The following GPC5 variants were observed in gnomAD, a reference collection of about 807,000 sequenced individuals.
GPC5 encodes the protein glypican-5.
GPC5 carries 47 observed loss-of-function variants against 53.9 expected under a neutral mutation model. That is an observed-to-expected ratio of 0.87 (90% confidence interval 0.69 to 1.11). GPC5 has a LOEUF of 1.11. GPC5 is among the 50% of genes most tolerant of loss of function. The probability of loss-of-function intolerance (pLI) is 0.00; values close to 1 mark genes in which losing one functional copy is unlikely to be tolerated. For missense variants in GPC5, 748 were observed against 713.1 expected (o/e 1.05, Z -0.56); for synonymous variants, 286 against 263.3 (o/e 1.09, Z -0.84).
At chr13:91,471,834 C>T (rs558204297) in intron 2 of GPC5, among the ~76,000 whole-genome samples, 19 of 152,092 alleles carry the variant, frequency 1.2e-4, no homozygotes, top group South Asian at 6.2e-4. Context: ...CTTTTGTTAC[C>T]GAGCAGCCTC....
intron 7 of GPC5, among the ~76,000 whole-genome samples, chr13:92,541,961 C>G (rs1347977718): frequency 6.6e-6 from 1 of 151,812 alleles, no homozygotes. Flanking sequence ...GAAGTCTTTT[C>G]TCTTCCATTG....
At chr13:91,937,301 A>G (rs1370668840) in intron 6 of GPC5, among the ~76,000 whole-genome samples, 2 of 152,026 alleles carry the variant, frequency 1.3e-5, no homozygotes, top group Non-Finnish European at 2.9e-5. Context: ...TTGATGAGAG[A>G]GAAAAAGGAT....
chr13:92,737,195 T>C (rs17299613), intron 7 of GPC5, among the ~76,000 whole-genome samples: 12,628 of 152,088 alleles, frequency 0.083, 1,019 homozygotes, highest in East Asian at 0.37. Context: ...TCTCTTTATG[T>C]CTATCACCTG....
chr13:91,696,565 C>A (rs931262535), intron 3 of GPC5, among the ~76,000 whole-genome samples: 2 of 152,112 alleles, frequency 1.3e-5, no homozygotes, highest in Non-Finnish European at 2.9e-5. Context: ...GGAAAGCCAG[C>A]AAATAATGAC....
At chr13:92,750,892 G>A (rs1889369590) in intron 7 of GPC5, among the ~76,000 whole-genome samples, 1 of 152,028 alleles carries the variant, frequency 6.6e-6, no homozygotes, top group Admixed American at 6.5e-5. Flanking sequence ...GCCTTCAACA[G>A]TGCTATATCC....
chr13:92,598,445 T>G (rs2139077028), intron 7 of GPC5, among the ~76,000 whole-genome samples: 1 of 152,280 alleles, frequency 6.6e-6, no homozygotes, highest in East Asian at 1.9e-4. Context: ...TTTTCTCTCC[T>G]TAAAAGCTTT....
intron 6 of GPC5, among the ~76,000 whole-genome samples, chr13:92,086,087 C>A (rs1454229814): frequency 6.6e-6 from 1 of 152,172 alleles, no homozygotes; most frequent in Non-Finnish European, 1.5e-5. Flanking sequence ...ACTGTGTGGC[C>A]TTCTGCATTA....
chr13:92,018,117 C>A (rs1594726359), intron 6 of GPC5, among the ~76,000 whole-genome samples: 1 of 152,106 alleles, frequency 6.6e-6, no homozygotes, highest in Admixed American at 6.6e-5. Context: ...TCAGAATTGC[C>A]AAATTCATTG....
intron 1 of GPC5, among the ~76,000 whole-genome samples, chr13:91,434,667 G>C (rs1033104988): frequency 3.3e-5 from 5 of 151,504 alleles, no homozygotes; most frequent in African/African-American, 4.8e-5. Flanking sequence ...TTGGCGATGC[G>C]GGCTCTTTTT....
At chr13:92,651,157 A>G (rs1263215002) in intron 7 of GPC5, among the ~76,000 whole-genome samples, 2 of 150,170 alleles carry the variant, frequency 1.3e-5, no homozygotes, top group Non-Finnish European at 2.9e-5. Context: ...AATACTTAAT[A>G]AACTCCCCTT....
chr13:92,618,018 C>A (rs1884753720), intron 7 of GPC5, among the ~76,000 whole-genome samples: 1 of 152,056 alleles, frequency 6.6e-6, no homozygotes, highest in Non-Finnish European at 1.5e-5. Context: ...ATGTGCAGCT[C>A]TTAAGTACTC....
At chr13:91,931,652 G>T (rs1488249954) in intron 6 of GPC5, among the ~76,000 whole-genome samples, 1 of 151,960 alleles carries the variant, frequency 6.6e-6, no homozygotes. Flanking sequence ...ATGTCAGTCA[G>T]AATAAACTCC....
chr13:91,424,595 G>C (rs1878894767), intron 1 of GPC5, among the ~76,000 whole-genome samples: 1 of 151,966 alleles, frequency 6.6e-6, no homozygotes, highest in African/African-American at 2.4e-5. Flanking sequence ...TTGAATTCCT[G>C]ACCTCAGGTG....
chr13:92,240,538 C>G (rs1232821459), intron 7 of GPC5: 1 of 152,160 alleles, frequency 6.6e-6, no homozygotes, highest in African/African-American at 2.4e-5. Context: ...GAATCTTGCT[C>G]TGTTGCCCAG....
intron 2 of GPC5, among the ~76,000 whole-genome samples, chr13:91,654,275 G>A (rs999462711): frequency 6.6e-6 from 1 of 152,114 alleles, no homozygotes; most frequent in African/African-American, 2.4e-5. Flanking sequence ...ATTCTACTTT[G>A]AAGAACACAG....
In GPC5 at chr13:91,925,254, GAATA is replaced by G. The variant is rs1167300777; in HGVS notation, c.1401+17201_1401+17204del. 2.0e-5 allele frequency among the ~76,000 whole-genome samples: 3 copies of G among 152,046 alleles called. No individual in the cohort carries two copies. The East Asian group carries it at 5.8e-4, about 29-fold the overall frequency. On this transcript the variant is annotated intron_variant, in intron 6 of 7. Coordinates refer to ENST00000377067, the MANE Select transcript of GPC5 (RefSeq NM_004466.6). ...GAAAAATATTAAATATATATTTATT[GAATA>G]AATGAATGAAAATCATAATTACCTT... is the stretch of plus-strand genomic sequence containing the variant.
intron 6 of GPC5, among the ~76,000 whole-genome samples, chr13:91,957,610 C>T (rs937606283): frequency 3.9e-5 from 6 of 152,078 alleles, no homozygotes; most frequent in African/African-American, 1.4e-4. Context: ...GATTTCTCAG[C>T]AGAAACCTTA....
At chr13:91,787,180 G>T (rs1406360748) in intron 5 of GPC5, among the ~76,000 whole-genome samples, 1 of 151,978 alleles carries the variant, frequency 6.6e-6, no homozygotes, top group Non-Finnish European at 1.5e-5. Context: ...ACTCTGAATG[G>T]CATTTATTAA....
chr13:92,459,794 A>T (rs1878410036), intron 7 of GPC5, among the ~76,000 whole-genome samples: 1 of 152,188 alleles, frequency 6.6e-6, no homozygotes, highest in African/African-American at 2.4e-5. Flanking sequence ...TTTAAAAACT[A>T]AATTTTCACT....
Sources: allele counts gnomAD v4.1 joint callset (sites outside exome capture counted in the v4.1 genomes callset), GRCh38; gene constraint gnomAD v4.1.1; transcripts MANE v1.5; gene names NCBI Gene and HGNC (gene_info 2026-07-23, HGNC 2026-07-21).